Variants in MOB3B observed in about 807,000 individuals in gnomAD.
MOB3B encodes the protein MOB kinase activator-like 2B.
MOB3B carries 7 observed loss-of-function variants against 18.7 expected under a neutral mutation model. The ratio of observed to expected loss-of-function variants is 0.37; its 90% CI spans 0.21 to 0.70. MOB3B has a LOEUF of 0.70. Ranked by LOEUF, MOB3B falls within the 30% of genes least tolerant of loss-of-function variation. The probability of loss-of-function intolerance (pLI) is 0.52; values close to 1 mark genes in which losing one functional copy is unlikely to be tolerated. For synonymous variants in MOB3B, 111 were observed against 99.9 expected, an observed-to-expected ratio of 1.11 and a Z score of -0.66; for missense variants, 253 against 281.3, an observed-to-expected ratio of 0.90 and a Z score of 0.72.
intron 2 of MOB3B, among the ~76,000 whole-genome samples, chr9:27,437,435 A>G (rs575134198): frequency 6.6e-6 from 1 of 152,196 alleles, no homozygotes; most frequent in African/African-American, 2.4e-5. Flanking sequence ...CCTACTAATG[A>G]CAACTTTCCT....
At position 27,325,511 on chromosome 9, in the gene MOB3B, GTCAC is replaced by G. The variant is rs1820697683; in HGVS notation, c.*5072_*5075del. The G allele has an allele frequency of 6.6e-6, 1 of 152,168 alleles. No individual in the cohort carries two copies. Among genetic ancestry groups the G allele is most frequent in the Non-Finnish European group, 1.5e-5 (1 of 68,036 alleles). 9.4% of individuals were successfully genotyped at this position (152,168 alleles called of 1,614,324 possible). A position where few individuals can be genotyped will look rare whatever the true frequency, so the allele number is the denominator to read the frequency against. Reference sequence around the variant, plus strand: ...CATAAGTTACACAAATCCTTATGTAGTCACTGAAAATTCTTACTCAGAATTAATA... The same window carrying G: ...CATAAGTTACACAAATCCTTATGTAGTGAAAATTCTTACTCAGAATTAATA... On this transcript the variant is annotated 3_prime_UTR_variant, in exon 4 of 4. Coordinates refer to ENST00000262244, the MANE Select transcript of MOB3B (RefSeq NM_024761.5).
At chr9:27,504,391 A>G (rs1374743939) in intron 1 of MOB3B, among the ~76,000 whole-genome samples, 1 of 152,240 alleles carries the variant, frequency 6.6e-6, no homozygotes, top group Non-Finnish European at 1.5e-5. Context: ...CAGTTACCAC[A>G]AGATATTATA....
rs529790432 is a variant in MOB3B, at chr9:27,484,655, G to C, written c.-198-28907C>G. Reference sequence around the variant, plus strand: ...AGCAGTCCCAGGATAATTCCCTTCTGTTTGCTTGTTCCTGTGCATTTCATG... The same window carrying C: ...AGCAGTCCCAGGATAATTCCCTTCTCTTTGCTTGTTCCTGTGCATTTCATG... On this transcript the variant is annotated intron_variant, in intron 1 of 3. Transcript: ENST00000262244. Among the ~76,000 whole-genome samples, 37 of 152,230 alleles carry C rather than the reference G, an allele frequency of 2.4e-4. No individual in the cohort carries two copies. In the East Asian group the frequency reaches 7.0e-3, roughly 29 times the overall value.
chr9:27,386,342 T>C (rs368961080), intron 2 of MOB3B, among the ~76,000 whole-genome samples: 15 of 152,272 alleles, frequency 9.9e-5, no homozygotes, highest in Non-Finnish European at 1.8e-4. Context: ...TATTGACACA[T>C]GGGAGAGGAA....
chr9:27,515,478 T>C (rs553773171), intron 1 of MOB3B, among the ~76,000 whole-genome samples: 3 of 152,334 alleles, frequency 2.0e-5, no homozygotes, highest in Admixed American at 2.0e-4. Flanking sequence ...CTCTTTAAAC[T>C]GAGGCTAGTA....
intron 1 of MOB3B, among the ~76,000 whole-genome samples, chr9:27,480,247 C>T (rs1819627821): frequency 6.6e-6 from 1 of 151,688 alleles, no homozygotes; most frequent in Non-Finnish European, 1.5e-5. Context: ...CCTCTGCCTC[C>T]TGCCTCAGTC....
At chr9:27,366,765 G>A (rs112189785) in intron 2 of MOB3B, among the ~76,000 whole-genome samples, 195 of 152,278 alleles carry the variant, frequency 1.3e-3, no homozygotes, top group African/African-American at 4.0e-3. Flanking sequence ...GAACCAAAAG[G>A]TTGTCTCTGG....
intron 2 of MOB3B, among the ~76,000 whole-genome samples, chr9:27,453,894 C>T (rs1265534531): frequency 2.6e-5 from 4 of 152,158 alleles, no homozygotes; most frequent in Admixed American, 2.6e-4. Flanking sequence ...CTCTGAGGTG[C>T]TTAATATTAT....
rs189721497 is a variant in MOB3B, at chr9:27,400,909, G to C, written c.419-41673C>G. On this transcript the variant is annotated intron_variant, in intron 2 of 3. Coordinates refer to ENST00000262244, the MANE Select transcript of MOB3B (RefSeq NM_024761.5). ...CTGTGGAGAAGGCAAAAGTATCTGA[G>C]ACCCATAAGTAGGACATCACAAGGT... is the stretch of plus-strand genomic sequence containing the variant. 1.3e-5 allele frequency among the ~76,000 whole-genome samples: 2 copies of C among 152,316 alleles called. 1 individual carries two copies. Among genetic ancestry groups the C allele is most frequent in the Admixed American group, 1.3e-4 (2 of 15,300 alleles).
intron 3 of MOB3B, among the ~76,000 whole-genome samples, chr9:27,346,716 C>T (rs561342065): frequency 7.4e-4 from 113 of 152,228 alleles, no homozygotes; most frequent in Admixed American, 1.2e-3. Context: ...CATTAGAGGC[C>T]GGGTGCGGTG....
In MOB3B at chr9:27,346,761, G is replaced by A. The variant is rs141822692; in HGVS notation, c.621+12273C>T. Among the ~76,000 whole-genome samples, 1,066 of 152,282 alleles carry A rather than the reference G, an allele frequency of 7.0e-3. 10 individuals are homozygous for A. Among genetic ancestry groups the A allele is most frequent in the East Asian group, 0.024 (122 of 5,182 alleles). ...TATAATCCCAGCACTTTGGGAGGTC[G>A]AGGTGGATGGATCACTTGAGGTCAG... is the stretch of plus-strand genomic sequence containing the variant. On this transcript the variant is annotated intron_variant, in intron 3 of 3. Transcript: ENST00000262244.
intron 2 of MOB3B, among the ~76,000 whole-genome samples, chr9:27,382,928 GAATGATGAAAC>G (rs1821599862): frequency 6.6e-6 from 1 of 152,068 alleles, no homozygotes; most frequent in African/African-American, 2.4e-5. Flanking sequence ...TTAAAGATAT[GAATGATGAAAC>G]AAATAAAACT....
intron 2 of MOB3B, among the ~76,000 whole-genome samples, chr9:27,418,283 C>T (rs1822186204): frequency 6.6e-6 from 1 of 151,948 alleles, no homozygotes; most frequent in South Asian, 2.1e-4. Context: ...GGTACAAATC[C>T]TTTTGACACT....
chr9:27,358,741 G>A (rs990034138), intron 3 of MOB3B: 4 of 584,624 alleles, frequency 6.8e-6, no homozygotes, highest in African/African-American at 5.5e-5. Context: ...AATTCAATAA[G>A]TGGAAGAATG....
chr9:27,508,137 C>T (rs529895411), intron 1 of MOB3B, among the ~76,000 whole-genome samples: 21 of 152,244 alleles, frequency 1.4e-4, no homozygotes, highest in African/African-American at 3.9e-4. Flanking sequence ...CTCTGTGATA[C>T]GTACTCAGGA....
At chr9:27,408,207 T>C (rs555076082) in intron 2 of MOB3B, among the ~76,000 whole-genome samples, 8 of 152,232 alleles carry the variant, frequency 5.3e-5, no homozygotes, top group African/African-American at 1.9e-4. Context: ...TTAAATACAA[T>C]AGAGGTGACT....
chr9:27,363,775 T>G (rs1821307036), intron 2 of MOB3B, among the ~76,000 whole-genome samples: 1 of 152,170 alleles, frequency 6.6e-6, no homozygotes, highest in Non-Finnish European at 1.5e-5. Context: ...AGGGTTTTAC[T>G]CTGTCACCCA....
At chr9:27,474,853 A>G (rs1348933048) in intron 1 of MOB3B, among the ~76,000 whole-genome samples, 1 of 152,210 alleles carries the variant, frequency 6.6e-6, no homozygotes, top group Non-Finnish European at 1.5e-5. Context: ...CACCTTTAAC[A>G]ATCTATCAAA....
In MOB3B at chr9:27,389,160, C is replaced by G. The variant is rs1011996628; in HGVS notation, c.419-29924G>C. On this transcript the variant is annotated intron_variant, in intron 2 of 3. Coordinates refer to ENST00000262244, the MANE Select transcript of MOB3B (RefSeq NM_024761.5). ...TCAGGAGTACTCATAGAGTGGTCCCCAGACCTGCAGCATCACTTGGAACTT... is the reference window on the plus strand; with the variant it reads ...TCAGGAGTACTCATAGAGTGGTCCCGAGACCTGCAGCATCACTTGGAACTT... Among the ~76,000 whole-genome samples the G allele has an allele frequency of 2.0e-5, 3 of 152,176 alleles. No individual in the cohort carries two copies. In the East Asian group the frequency reaches 5.8e-4, roughly 29 times the overall value.
Sources: allele counts gnomAD v4.1 joint callset (sites outside exome capture counted in the v4.1 genomes callset), GRCh38; gene constraint gnomAD v4.1.1; transcripts MANE v1.5; gene names NCBI Gene and HGNC (gene_info 2026-07-23, HGNC 2026-07-21).